The following BTRC variants were observed in gnomAD, a reference collection of about 807,000 sequenced individuals.
BTRC encodes F-box/WD repeat-containing protein 1A.
A neutral mutation model predicts 85.5 loss-of-function variants in BTRC; 42 were observed. The ratio of observed to expected loss-of-function variants is 0.49; its 90% CI spans 0.38 to 0.64. BTRC has a LOEUF of 0.64. BTRC is among the 30% of genes least tolerant of loss of function. The pLI, the probability that BTRC is intolerant of heterozygous loss-of-function variation, is 0.00. For missense variants in BTRC, 594 were observed against 743.5 expected (o/e 0.80, Z 2.34); for synonymous variants, 255 against 263.3 (o/e 0.97, Z 0.30).
intron 4 of BTRC, among the ~76,000 whole-genome samples, chr10:101,491,071 AAACT>A (rs1946118710): frequency 6.6e-6 from 1 of 151,954 alleles, no homozygotes; most frequent in South Asian, 2.1e-4. Flanking sequence ...AAAAAAAAAA[AAACT>A]CTCTTTTCTG....
chr10:101,491,143 T>C lies in BTRC; in HGVS notation c.324+11686T>C, dbSNP rs576401891. ...ATAGTCACCTGCCTTATTAACATAG[T>C]ATACAGATCTTTCAAGGATCTAAGT... On this transcript the variant is annotated intron_variant, in intron 4 of 14. Transcript: ENST00000370187. 1.1e-4 allele frequency among the ~76,000 whole-genome samples: 17 copies of C among 152,292 alleles called. No homozygotes were observed. The South Asian group carries it at 3.5e-3, about 32-fold the overall frequency.
At chr10:101,413,766 T>G (rs1943848966) in intron 1 of BTRC, among the ~76,000 whole-genome samples, 1 of 152,246 alleles carries the variant, frequency 6.6e-6, no homozygotes, top group Non-Finnish European at 1.5e-5. Flanking sequence ...TTGCTTTGTT[T>G]CTAATCTTCT....
intron 1 of BTRC, among the ~76,000 whole-genome samples, chr10:101,380,496 G>C (rs1002729768): frequency 6.6e-6 from 1 of 152,118 alleles, no homozygotes; most frequent in African/African-American, 2.4e-5. Context: ...GCCGGGCAGA[G>C]GTACTCCTCA....
At position 101,385,740 on chromosome 10, in the gene BTRC, C is replaced by T. The variant is rs528306607; in HGVS notation, c.48+31512C>T. Among the ~76,000 whole-genome samples, 204 of 150,098 alleles carry T rather than the reference C, an allele frequency of 1.4e-3. 4 individuals are homozygous for T. The South Asian group carries it at 0.042, about 31-fold the overall frequency. ...TCCTTCCTCTTCCCAGACACACACA[C>T]ACACATATGTTTTGTACAAAATTTC... On this transcript the variant is annotated intron_variant, in intron 1 of 14. Transcript: ENST00000370187.
intron 3 of BTRC, among the ~76,000 whole-genome samples, chr10:101,478,300 C>CA (rs542191555): frequency 0.018 from 2,277 of 126,412 alleles, 27 homozygotes; most frequent in South Asian, 0.051. Flanking sequence ...GACTCCATCT[C>CA]AAAAAAAAAA....
chr10:101,447,431 A>C (rs1291343651), intron 2 of BTRC, among the ~76,000 whole-genome samples: 1 of 152,188 alleles, frequency 6.6e-6, no homozygotes, highest in Non-Finnish European at 1.5e-5. Context: ...TGTATATAGG[A>C]GCAAAAGATG....
intron 1 of BTRC, among the ~76,000 whole-genome samples, chr10:101,392,165 C>A (rs948398426): frequency 6.6e-6 from 1 of 152,036 alleles, no homozygotes. Context: ...TTTTTGATAG[C>A]GACTGGGTTT....
intron 4 of BTRC, among the ~76,000 whole-genome samples, chr10:101,511,560 G>C (rs1384276804): frequency 6.6e-6 from 1 of 151,904 alleles, no homozygotes; most frequent in Non-Finnish European, 1.5e-5. Flanking sequence ...GTTTTGTTTT[G>C]TTTTGTTTTG....
chr10:101,455,536 G>T (rs139525100), intron 2 of BTRC, among the ~76,000 whole-genome samples: 3 of 152,242 alleles, frequency 2.0e-5, no homozygotes, highest in African/African-American at 4.8e-5. Flanking sequence ...CAGGTTAGGC[G>T]TAAGGGGATA....
At chr10:101,518,858 C>A (rs1244557755) in intron 4 of BTRC, among the ~76,000 whole-genome samples, 2 of 141,978 alleles carry the variant, frequency 1.4e-5, no homozygotes, top group African/African-American at 5.0e-5. Context: ...CTTAAATAAT[C>A]CTATTAGTTT....
intron 4 of BTRC, among the ~76,000 whole-genome samples, chr10:101,492,242 GGTTT>G (rs1403939686): frequency 6.6e-6 from 1 of 152,008 alleles, no homozygotes; most frequent in African/African-American, 2.4e-5. Context: ...TACAGTTTTG[GGTTT>G]GTTTGTTTGT....
upstream of BTRC, chr10:101,354,062 G>A: frequency 1.6e-6 from 2 of 1,227,312 alleles, no homozygotes; most frequent in Non-Finnish European, 2.3e-6. Context: ...GCCTGCGCCT[G>A]AGAGGTAAGA....
chr10:101,441,770 G>T (rs1944684810), intron 2 of BTRC, among the ~76,000 whole-genome samples: 1 of 150,776 alleles, frequency 6.6e-6, no homozygotes. Flanking sequence ...GATCCCAGCT[G>T]CTTGGGAGGC....
intron 4 of BTRC, among the ~76,000 whole-genome samples, chr10:101,505,607 G>A (rs1358472348): frequency 1.4e-4 from 21 of 148,822 alleles, no homozygotes; most frequent in African/African-American, 3.9e-4. Context: ...GCGACAGAGC[G>A]AGACTCCGTC....
chr10:101,378,027 G>A (rs1427191524), intron 1 of BTRC, among the ~76,000 whole-genome samples: 1 of 152,044 alleles, frequency 6.6e-6, no homozygotes, highest in Non-Finnish European at 1.5e-5. Context: ...GATCAAGATC[G>A]TGAACAAGAT....
intron 1 of BTRC, among the ~76,000 whole-genome samples, chr10:101,425,194 C>T (rs1249961925): frequency 3.3e-5 from 5 of 152,138 alleles, no homozygotes; most frequent in African/African-American, 1.2e-4. Context: ...TTTATCCAGT[C>T]TTCCGTTGAT....
At chr10:101,413,193 C>T (rs11190998) in intron 1 of BTRC, among the ~76,000 whole-genome samples, 20,641 of 152,174 alleles carry the variant, frequency 0.14, 1,783 homozygotes, top group Non-Finnish European at 0.19. Context: ...GGTGCAATCT[C>T]GGCTCACTGC....
intron 2 of BTRC, among the ~76,000 whole-genome samples, chr10:101,444,215 A>T (rs1242913830): frequency 6.6e-6 from 1 of 152,192 alleles, no homozygotes. Flanking sequence ...GGGAACAGTG[A>T]TGTTTGTGAT....
rs1303544257 is a variant in BTRC, at chr10:101,534,820, G to A, written c.1257G>A (p.Arg419=). ...DMASPTDITL[R]RVLVGHRAAV... The stretch of plus-strand genomic sequence containing the variant: ...CCTCCCCAACTGACATTACCCTCCG[G>A]AGGGTGCTGGTCGGACACCGAGCTG... Residue 419 remains arginine (R), a synonymous_variant, in exon 10 of 15, where the codon CGG becomes CGA. Coordinates refer to ENST00000370187, the MANE Select transcript of BTRC (RefSeq NM_033637.4). The A allele has an allele frequency of 6.2e-7, 1 of 1,614,160 alleles. No homozygotes were observed. The highest frequency in any genetic ancestry group is 8.5e-7 in the Non-Finnish European group (1 of 1,180,014).
Sources: gnomAD v4.1 joint callset for allele counts (sites outside exome capture counted in the v4.1 genomes callset) on GRCh38, gnomAD v4.1.1 for gene constraint, MANE v1.5 for transcripts, NCBI Gene and HGNC (gene_info 2026-07-23, HGNC 2026-07-21) for gene names.